RORA: variants seen among roughly 807,000 people sequenced by gnomAD.
RORA encodes RAR related orphan receptor A.
Under a neutral mutation model 69.5 loss-of-function variants are expected in RORA, and 7 were observed. That is an observed-to-expected ratio of 0.10 (90% CI 0.06 to 0.19). The LOEUF (loss-of-function observed/expected upper bound fraction) is 0.19, where lower values mean the gene tolerates loss of function less well. Among genes scored for constraint, RORA ranks in the 10% least tolerant of loss-of-function variants. RORA has a pLI of 1.00. For missense variants in RORA, 457 were observed against 663.0 expected (o/e 0.69, Z 3.41); for synonymous variants, 261 against 240.8 (o/e 1.08, Z -0.78).
chr15:60,748,921 G>C (rs1233841724), intron 1 of RORA, among the ~76,000 whole-genome samples: 1 of 152,158 alleles, frequency 6.6e-6, no homozygotes, highest in Admixed American at 6.5e-5. Context: ...TAGCTGTGAA[G>C]GAGTTTCCCG....
At chr15:60,906,372 T>G (rs1020501812) in intron 1 of RORA, among the ~76,000 whole-genome samples, 1 of 152,190 alleles carries the variant, frequency 6.6e-6, no homozygotes, top group African/African-American at 2.4e-5. Context: ...TATTCAAATG[T>G]AATTAACACA....
intron 2 of RORA, among the ~76,000 whole-genome samples, chr15:60,561,080 T>TTG (rs1555431321): frequency 0.031 from 4,131 of 131,584 alleles, 190 homozygotes; most frequent in African/African-American, 0.14. Flanking sequence ...TGTTTTGTTT[T>TTG]TGTTTTTTTT....
intron 1 of RORA, among the ~76,000 whole-genome samples, chr15:61,187,565 A>G (rs973878027): frequency 6.6e-6 from 1 of 152,238 alleles, no homozygotes; most frequent in African/African-American, 2.4e-5. Context: ...CGGCCTCTGC[A>G]TAACAGCCTC....
At chr15:60,740,307 T>A (rs1595675108) in intron 1 of RORA, among the ~76,000 whole-genome samples, 2 of 152,304 alleles carry the variant, frequency 1.3e-5, no homozygotes, top group African/African-American at 4.8e-5. Flanking sequence ...CCAAATAAAG[T>A]TGCACAGTCC....
intron 2 of RORA, among the ~76,000 whole-genome samples, chr15:60,663,928 C>T (rs559309196): frequency 2.0e-5 from 3 of 152,230 alleles, no homozygotes; most frequent in South Asian, 2.1e-4. Flanking sequence ...TGGGATAGAA[C>T]GAGGAAGAAC....
chr15:60,695,500 T>C (rs2070890448), intron 1 of RORA, among the ~76,000 whole-genome samples: 1 of 151,960 alleles, frequency 6.6e-6, no homozygotes, highest in Non-Finnish European at 1.5e-5. Context: ...TGTTACAGGA[T>C]CTAAATATTC....
rs926053876 is a variant in RORA at position 60,544,599 on chromosome 15, C to T, written c.197-12748G>A. On this transcript the variant is annotated intron_variant, in intron 2 of 10. Coordinates refer to ENST00000335670, the MANE Select transcript of RORA (RefSeq NM_134261.3). ...GAGACAAGGCAACACCATGCTAATACGCTGTTGATGTAAAAATAAAAGTTT... is the reference window on the plus strand; with the variant it reads ...GAGACAAGGCAACACCATGCTAATATGCTGTTGATGTAAAAATAAAAGTTT... Among the ~76,000 whole-genome samples, 8 of 152,040 alleles carry T rather than the reference C, an allele frequency of 5.3e-5. No individual in the cohort carries two copies. The South Asian group carries it at 6.2e-4, about 12-fold the overall frequency.
At chr15:60,983,509 C>A (rs1431860397) in intron 1 of RORA, among the ~76,000 whole-genome samples, 2 of 152,130 alleles carry the variant, frequency 1.3e-5, no homozygotes, top group Non-Finnish European at 2.9e-5. Flanking sequence ...GAGTCTGGCA[C>A]CTTTTAAGGT....
intron 1 of RORA, among the ~76,000 whole-genome samples, chr15:60,906,500 A>G (rs1393897152): frequency 1.3e-5 from 2 of 152,248 alleles, no homozygotes; most frequent in African/African-American, 2.4e-5. Context: ...CAGGAAATCA[A>G]ACTGGCAGGG....
intron 1 of RORA, among the ~76,000 whole-genome samples, chr15:60,846,796 T>C (rs1179520494): frequency 1.3e-5 from 2 of 152,266 alleles, no homozygotes; most frequent in Non-Finnish European, 2.9e-5. Flanking sequence ...TAGGATATTC[T>C]AATAAACATT....
At chr15:61,116,556 C>A (rs938368745) in intron 1 of RORA, among the ~76,000 whole-genome samples, 4 of 152,140 alleles carry the variant, frequency 2.6e-5, no homozygotes, top group Non-Finnish European at 5.9e-5. Context: ...AAAGAACTTA[C>A]CCAGATGATT....
chr15:60,815,114 C>T (rs1046094494), intron 1 of RORA, among the ~76,000 whole-genome samples: 2 of 152,124 alleles, frequency 1.3e-5, no homozygotes, highest in African/African-American at 2.4e-5. Context: ...TCTATAAAAA[C>T]GAGTCTAATG....
chr15:60,533,099 T>C (rs1320251042), intron 2 of RORA, among the ~76,000 whole-genome samples: 1 of 152,230 alleles, frequency 6.6e-6, no homozygotes, highest in Non-Finnish European at 1.5e-5. Context: ...CATTCGATAC[T>C]TAGAGCACAC....
chr15:60,707,488 C>T (rs891623823), intron 1 of RORA, among the ~76,000 whole-genome samples: 5 of 151,876 alleles, frequency 3.3e-5, no homozygotes, highest in South Asian at 4.2e-4. Context: ...CTCAGCCTCC[C>T]GAGTAGCTGG....
intron 1 of RORA, among the ~76,000 whole-genome samples, chr15:60,963,899 T>A (rs1893481086): frequency 6.6e-6 from 1 of 152,220 alleles, no homozygotes; most frequent in Non-Finnish European, 1.5e-5. Flanking sequence ...GTGGGTGGCT[T>A]AAAGCCAAAG....
chr15:60,859,987 T>G (rs2073421532), intron 1 of RORA, among the ~76,000 whole-genome samples: 1 of 152,110 alleles, frequency 6.6e-6, no homozygotes, highest in Admixed American at 6.6e-5. Context: ...ACCTGCTGCT[T>G]TCAAAGAAAC....
intron 1 of RORA, among the ~76,000 whole-genome samples, chr15:60,794,215 A>G (rs547775696): frequency 2.6e-5 from 4 of 152,370 alleles, no homozygotes; most frequent in African/African-American, 9.6e-5. Flanking sequence ...AGGTCTGACT[A>G]AAACAGAAAA....
At chr15:61,135,310 TAC>T (rs1319110123) in intron 1 of RORA, among the ~76,000 whole-genome samples, 1 of 151,988 alleles carries the variant, frequency 6.6e-6, no homozygotes, top group Non-Finnish European at 1.5e-5. Flanking sequence ...CAGCCTGCGC[TAC>T]AGAGAGAGAC....
intron 1 of RORA, among the ~76,000 whole-genome samples, chr15:61,172,248 T>C (rs62007610): frequency 0.11 from 16,301 of 152,178 alleles, 1,038 homozygotes; most frequent in South Asian, 0.19. Context: ...CTTCCTACAA[T>C]AGCAATCCAT....
Sources: allele counts gnomAD v4.1 joint callset (sites outside exome capture counted in the v4.1 genomes callset), GRCh38; gene constraint gnomAD v4.1.1; transcripts MANE v1.5; gene names NCBI Gene and HGNC (gene_info 2026-07-23, HGNC 2026-07-21).